GABBR2: variants seen among roughly 807,000 people sequenced by gnomAD.
GABBR2 encodes the protein G-protein coupled receptor 51.
GABBR2 carries 23 observed loss-of-function variants against 105.6 expected under a neutral mutation model. The observed-to-expected ratio is 0.22, with a 90% CI of 0.16 to 0.31. GABBR2 has a LOEUF of 0.31. Among genes scored for constraint, GABBR2 ranks in the 10% least tolerant of loss-of-function variants. The pLI is 1.00. For synonymous variants in GABBR2, 478 were observed against 499.7 expected (o/e 0.96, Z 0.58); for missense variants, 734 against 1,245.5 (o/e 0.59, Z 6.18).
intron 3 of GABBR2, among the ~76,000 whole-genome samples, chr9:98,540,112 G>A (rs1382082299): frequency 6.6e-6 from 1 of 152,018 alleles, no homozygotes; most frequent in African/African-American, 2.4e-5. Context: ...TCAGCGTTTG[G>A]CAATGAGTCA....
chr9:98,568,442 G>A (rs1452903801), intron 2 of GABBR2, among the ~76,000 whole-genome samples: 1 of 152,220 alleles, frequency 6.6e-6, no homozygotes, highest in Admixed American at 6.5e-5. Context: ...CAGGCTGGAC[G>A]TGGTTTTCAA....
At chr9:98,297,672 A>G (rs111998866) in intron 17 of GABBR2, among the ~76,000 whole-genome samples, 8,311 of 152,036 alleles carry the variant, frequency 0.055, 322 homozygotes, top group Non-Finnish European at 0.083. Context: ...AAATAATATT[A>G]TAACAAATTG....
At chr9:98,672,898 C>G (rs1830423585) in intron 1 of GABBR2, among the ~76,000 whole-genome samples, 1 of 152,206 alleles carries the variant, frequency 6.6e-6, no homozygotes, top group Non-Finnish European at 1.5e-5. Flanking sequence ...TTTCAACTGC[C>G]TTTAATCATC....
chr9:98,428,131 A>G (rs1401768952), intron 7 of GABBR2, among the ~76,000 whole-genome samples: 2 of 152,194 alleles, frequency 1.3e-5, no homozygotes, highest in African/African-American at 2.4e-5. Flanking sequence ...GAGGAAACAT[A>G]ATTCATCCTG....
chr9:98,635,207 A>T (rs1394599874), intron 1 of GABBR2, among the ~76,000 whole-genome samples: 1 of 152,206 alleles, frequency 6.6e-6, no homozygotes, highest in Non-Finnish European at 1.5e-5. Context: ...CTCTATTTTC[A>T]CCAGGGATTC....
chr9:98,577,940 C>T lies in GABBR2; in HGVS notation c.454G>A (p.Val152Met). The part of the protein sequence containing the change: ...IAESLQGWNL[V>M]QLSFAATTPV... Reference sequence around the variant, plus strand: ...GAAGGTAGCTCAGACCTTACCTGCACCAGATTCCAGCCTTGGAGGGACTCT... The same window carrying T: ...GAAGGTAGCTCAGACCTTACCTGCATCAGATTCCAGCCTTGGAGGGACTCT... The change falls in exon 2 of 19, where the codon GTG (valine) becomes ATG (methionine). Residue 152 changes from valine (V) to methionine (M), a missense_variant. This residue lies in a region of GABBR2 where 370 missense variants were observed against 648.9 expected (regional missense o/e 0.57). Coordinates refer to ENST00000259455, the MANE Select transcript of GABBR2 (RefSeq NM_005458.8). 6.2e-7 allele frequency: 1 copy of T among 1,611,310 alleles called. No individual in the cohort carries two copies. Among genetic ancestry groups the T allele is most frequent in the Non-Finnish European group, 8.5e-7 (1 of 1,178,320 alleles).
In GABBR2 at chr9:98,289,043, T is replaced by C. The variant is rs904706275; in HGVS notation, c.*1541A>G. 3 of 152,612 alleles carry C rather than the reference T, an allele frequency of 2.0e-5. No homozygotes were observed. The highest frequency in any genetic ancestry group is 4.4e-5 in the Non-Finnish European group (3 of 68,064). The allele number at this position is 152,612 out of a possible 1,614,324, so 9.5% of individuals were successfully genotyped here. A position where few individuals can be genotyped will look rare whatever the true frequency, so the allele number is the denominator to read the frequency against. Reference sequence around the variant, plus strand: ...TTCTTGAGCAAAGAATGAACCTGTCTAGGAATGTCAGAAAAGTCACTGGGA... The same window carrying C: ...TTCTTGAGCAAAGAATGAACCTGTCCAGGAATGTCAGAAAAGTCACTGGGA... On this transcript the variant is annotated 3_prime_UTR_variant, in exon 19 of 19. Transcript: ENST00000259455.
At chr9:98,593,480 C>T (rs1008037396) in intron 1 of GABBR2, among the ~76,000 whole-genome samples, 1 of 152,094 alleles carries the variant, frequency 6.6e-6, no homozygotes, top group Non-Finnish European at 1.5e-5. Flanking sequence ...GAAGAGTAGC[C>T]TCTAGGAGAG....
chr9:98,612,078 G>C (rs1829513634), intron 1 of GABBR2, among the ~76,000 whole-genome samples: 1 of 152,258 alleles, frequency 6.6e-6, no homozygotes. Flanking sequence ...CCCAGAGTCA[G>C]CCAGTCTGGA....
chr9:98,434,968 G>A (rs1385029997), intron 7 of GABBR2, among the ~76,000 whole-genome samples: 1 of 152,180 alleles, frequency 6.6e-6, no homozygotes, highest in Non-Finnish European at 1.5e-5. Context: ...TAATGTTGGT[G>A]TAACCTCATG....
intron 1 of GABBR2, among the ~76,000 whole-genome samples, chr9:98,599,275 G>A (rs942085799): frequency 2.0e-5 from 3 of 152,256 alleles, no homozygotes; most frequent in South Asian, 4.1e-4. Context: ...GTTCCCTTCT[G>A]GAGATTTTAT....
intron 1 of GABBR2, among the ~76,000 whole-genome samples, chr9:98,702,232 C>T (rs1460591660): frequency 6.6e-6 from 1 of 151,976 alleles, no homozygotes; most frequent in Non-Finnish European, 1.5e-5. Flanking sequence ...CTCTCCTTGT[C>T]CCCCTAGGGT....
chr9:98,677,685 C>G (rs1009226170), intron 1 of GABBR2, among the ~76,000 whole-genome samples: 7 of 152,154 alleles, frequency 4.6e-5, no homozygotes, highest in Non-Finnish European at 1.0e-4. Context: ...CTGTCTCACA[C>G]TTGACCCTGC....
chr9:98,385,133 A>AT (rs368565689), intron 11 of GABBR2, among the ~76,000 whole-genome samples: 32 of 152,058 alleles, frequency 2.1e-4, no homozygotes, highest in African/African-American at 7.5e-4. Context: ...GGAAGATAAT[A>AT]TTTTTCCCCT....
chr9:98,393,319 A>T (rs1832226877), intron 9 of GABBR2, among the ~76,000 whole-genome samples: 1 of 107,930 alleles, frequency 9.3e-6, no homozygotes, highest in Non-Finnish European at 1.8e-5. Flanking sequence ...GCCCATTCAC[A>T]CACCCATCCA....
chr9:98,383,681 A>C (rs1225153480), intron 11 of GABBR2, among the ~76,000 whole-genome samples: 1 of 152,228 alleles, frequency 6.6e-6, no homozygotes, highest in Non-Finnish European at 1.5e-5. Flanking sequence ...CTCTCTGGCT[A>C]GACAGCTCAC....
In GABBR2 at chr9:98,473,510, T is replaced by A. The variant is rs57366104; in HGVS notation, c.799-164A>T. ...TTGCTATTTATCAAAGGATCCAAGG[T>A]AGTTTATGGATAACATGTATAATAA... On this transcript the variant is annotated intron_variant, in intron 5 of 18. Coordinates refer to ENST00000259455, the MANE Select transcript of GABBR2 (RefSeq NM_005458.8). 0.023 allele frequency among the ~76,000 whole-genome samples: 3,449 copies of A among 152,244 alleles called. 131 individuals carry two copies. The highest frequency in any genetic ancestry group is 0.079 in the African/African-American group (3,290 of 41,522).
chr9:98,523,137 C>T (rs1248418036), intron 3 of GABBR2, among the ~76,000 whole-genome samples: 2 of 152,006 alleles, frequency 1.3e-5, no homozygotes, highest in African/African-American at 4.8e-5. Context: ...CTTAACTACG[C>T]TTAATAGCAA....
chr9:98,652,038 C>T (rs1476273296), intron 1 of GABBR2, among the ~76,000 whole-genome samples: 2 of 152,074 alleles, frequency 1.3e-5, no homozygotes, highest in East Asian at 1.9e-4. Flanking sequence ...CATGAGTGGA[C>T]AATTGTTGAA....
Sources: allele counts gnomAD v4.1 joint callset (sites outside exome capture counted in the v4.1 genomes callset), GRCh38; gene constraint gnomAD v4.1.1; regional missense constraint gnomAD v4.1.1; transcripts MANE v1.5; gene names NCBI Gene and HGNC (gene_info 2026-07-23, HGNC 2026-07-21).